Variants in SLC4A10 observed in about 807,000 individuals in gnomAD.
SLC4A10 encodes solute carrier family 4 member 10.
In SLC4A10, 42 loss-of-function variants were observed where a neutral mutation model predicts 137.7. The ratio of observed to expected loss-of-function variants is 0.30; its 90% CI spans 0.24 to 0.39. SLC4A10 has a LOEUF of 0.39. Among genes scored for constraint, SLC4A10 ranks in the 10% least tolerant of loss-of-function variants. The pLI is 1.00. For missense variants in SLC4A10, 925 were observed against 1,355.0 expected (o/e 0.68, Z 4.98); for synonymous variants, 474 against 464.1 (o/e 1.02, Z -0.27).
intron 23 of SLC4A10, among the ~76,000 whole-genome samples, chr2:161,971,704 G>A (rs1313726844): frequency 2.0e-5 from 3 of 152,118 alleles, no homozygotes; most frequent in Admixed American, 6.5e-5. Flanking sequence ...CAGTGCTGCC[G>A]GGATGCAGCC....
At chr2:161,665,407 T>G (rs2038926743) in intron 1 of SLC4A10, among the ~76,000 whole-genome samples, 1 of 151,760 alleles carries the variant, frequency 6.6e-6, no homozygotes, top group Non-Finnish European at 1.5e-5. Flanking sequence ...ATATGACACT[T>G]TTGTCCCAAT....
intron 7 of SLC4A10, among the ~76,000 whole-genome samples, chr2:161,872,623 A>G (rs1004892579): frequency 4.6e-5 from 7 of 150,752 alleles, no homozygotes; most frequent in African/African-American, 1.7e-4. Flanking sequence ...GCCACTTGGT[A>G]TAATGTTATC....
intron 1 of SLC4A10, among the ~76,000 whole-genome samples, chr2:161,683,457 A>C (rs1487556825): frequency 6.6e-6 from 1 of 152,194 alleles, no homozygotes; most frequent in African/African-American, 2.4e-5. Context: ...CAAATGAAAG[A>C]GTAGTGGACG....
chr2:161,627,551 G>C (rs2032662269), intron 1 of SLC4A10, among the ~76,000 whole-genome samples: 1 of 152,010 alleles, frequency 6.6e-6, no homozygotes, highest in Non-Finnish European at 1.5e-5. Context: ...AGCCTCCCAG[G>C]GTTTACCTCC....
intron 3 of SLC4A10, among the ~76,000 whole-genome samples, chr2:161,811,260 T>C (rs2125635323): frequency 6.6e-6 from 1 of 152,200 alleles, no homozygotes; most frequent in East Asian, 1.9e-4. Context: ...TTCTCTTTTT[T>C]TGTTAATCTA....
chr2:161,952,810 G>A (rs1361484750), intron 19 of SLC4A10, among the ~76,000 whole-genome samples: 1 of 152,092 alleles, frequency 6.6e-6, no homozygotes, highest in East Asian at 1.9e-4. Flanking sequence ...TATAGAGTGT[G>A]GTCTGATGCT....
chr2:161,784,899 CA>C (rs1340616509), intron 2 of SLC4A10, among the ~76,000 whole-genome samples: 4 of 148,022 alleles, frequency 2.7e-5, no homozygotes, highest in African/African-American at 9.9e-5. Flanking sequence ...TAGCAAAGAT[CA>C]GAGCAGAAAT....
intron 1 of SLC4A10, among the ~76,000 whole-genome samples, chr2:161,704,483 A>G (rs2043446653): frequency 6.6e-6 from 1 of 151,628 alleles, no homozygotes; most frequent in South Asian, 2.1e-4. Context: ...CACATGAGAA[A>G]CAGGGGTATT....
chr2:161,957,173 A>T lies in SLC4A10; in HGVS notation c.2726A>T (p.Gln909Leu). The change falls in exon 20 of 27, where the codon CAA becomes CTA. Residue 909 changes from glutamine to leucine, a missense_variant. Gln to Leu is a moderately radical substitution (Grantham distance 113). Coordinates refer to ENST00000446997, the MANE Select transcript of SLC4A10 (RefSeq NM_001178015.2). ...EQPKFLGIRE[Q>L]RVTGLMIFIL... is the part of the protein sequence containing the mutation. ...CCCAAATTTCTCGGCATTCGGGAGC[A>T]AAGGGTTACTGGGCTTATGATTTTT... 1 of 1,613,816 alleles carries T rather than the reference A, an allele frequency of 6.2e-7. No homozygotes were observed. The highest frequency in any genetic ancestry group is 8.5e-7 in the Non-Finnish European group (1 of 1,179,836).
intron 23 of SLC4A10, among the ~76,000 whole-genome samples, chr2:161,966,213 G>A (rs1468690243): frequency 6.6e-6 from 1 of 152,052 alleles, no homozygotes; most frequent in African/African-American, 2.4e-5. Flanking sequence ...TGTGTAATTG[G>A]TAATTCCCTT....
intron 11 of SLC4A10, among the ~76,000 whole-genome samples, chr2:161,898,420 T>C (rs2063740874): frequency 6.6e-6 from 1 of 152,140 alleles, no homozygotes; most frequent in Non-Finnish European, 1.5e-5. Flanking sequence ...AAAATATATG[T>C]TGTAATTGAA....
At chr2:161,696,866 T>C (rs540914223) in intron 1 of SLC4A10, among the ~76,000 whole-genome samples, 2 of 152,190 alleles carry the variant, frequency 1.3e-5, no homozygotes, top group Non-Finnish European at 2.9e-5. Context: ...TTCTAGATCC[T>C]TGAGGAATCG....
chr2:161,862,036 G>T (rs558232746), intron 5 of SLC4A10, among the ~76,000 whole-genome samples: 1 of 152,280 alleles, frequency 6.6e-6, no homozygotes, highest in East Asian at 1.9e-4. Flanking sequence ...TAATCAGAAA[G>T]CAGATTAATT....
chr2:161,872,671 T>A (rs1409208041), intron 7 of SLC4A10, among the ~76,000 whole-genome samples: 2 of 152,140 alleles, frequency 1.3e-5, no homozygotes, highest in Non-Finnish European at 2.9e-5. Context: ...TCACAGGGAA[T>A]TTAACAGAAG....
intron 21 of SLC4A10, among the ~76,000 whole-genome samples, chr2:161,960,672 A>G (rs1696527834): frequency 6.6e-6 from 1 of 151,658 alleles, no homozygotes; most frequent in Non-Finnish European, 1.5e-5. Context: ...TTGAGCCGAG[A>G]TCATGCTACT....
chr2:161,835,039 C>CTT (rs5835884), intron 3 of SLC4A10, among the ~76,000 whole-genome samples: 47 of 135,236 alleles, frequency 3.5e-4, no homozygotes, highest in African/African-American at 5.9e-4. Flanking sequence ...GACTATATGT[C>CTT]TTTTTTTTTT....
At chr2:161,819,005 G>T (rs62187695) in intron 3 of SLC4A10, among the ~76,000 whole-genome samples, 10,111 of 152,154 alleles carry the variant, frequency 0.066, 444 homozygotes, top group East Asian at 0.15. Context: ...ATGAGTTAGG[G>T]AGGATTCCTT....
chr2:161,703,575 C>T (rs2043350496), intron 1 of SLC4A10, among the ~76,000 whole-genome samples: 1 of 151,372 alleles, frequency 6.6e-6, no homozygotes, highest in Non-Finnish European at 1.5e-5. Flanking sequence ...GTAACTGGTA[C>T]AAAAAGTTAG....
At chr2:161,920,256 C>A (rs187353231) in intron 15 of SLC4A10, among the ~76,000 whole-genome samples, 13 of 152,280 alleles carry the variant, frequency 8.5e-5, no homozygotes, top group African/African-American at 3.1e-4. Context: ...AGGCTTCTGG[C>A]TGGAAGAATG....
Sources: gnomAD v4.1 joint callset for allele counts (sites outside exome capture counted in the v4.1 genomes callset) on GRCh38, gnomAD v4.1.1 for gene constraint, MANE v1.5 for transcripts, NCBI Gene and HGNC (gene_info 2026-07-23, HGNC 2026-07-21) for gene names.